Variants in TNIP1 observed in about 807,000 individuals in gnomAD.
TNIP1 encodes the protein TNFAIP3-interacting protein 1.
A neutral mutation model predicts 86.6 loss-of-function variants in TNIP1; 22 were observed. That is an observed-to-expected ratio of 0.25 (90% CI 0.18 to 0.36). The LOEUF (loss-of-function observed/expected upper bound fraction) is 0.36, where lower values mean the gene tolerates loss of function less well. TNIP1 is among the 10% of genes least tolerant of loss of function. The pLI is 1.00. For synonymous variants in TNIP1, 294 were observed against 313.0 expected (o/e 0.94, Z 0.64); for missense variants, 709 against 820.6 (o/e 0.86, Z 1.66).
At chr5:151,050,623 G>A (rs1240647397) in intron 7 of TNIP1, among the ~76,000 whole-genome samples, 3 of 152,122 alleles carry the variant, frequency 2.0e-5, no homozygotes, top group Admixed American at 6.6e-5. Flanking sequence ...ATTCAGGTCT[G>A]ACTAAAATGT....
intron 3 of TNIP1, 116 bp from the exon 4 acceptor site, chr5:151,062,328 GT>G: frequency 1.1e-6 from 1 of 910,088 alleles, no homozygotes; most frequent in Non-Finnish European, 1.7e-6. Flanking sequence ...CCACTCGAGT[GT>G]GGGAGAATGG....
chr5:151,086,068 G>A (rs1764266602), intron 1 of TNIP1, among the ~76,000 whole-genome samples: 1 of 152,068 alleles, frequency 6.6e-6, no homozygotes, highest in African/African-American at 2.4e-5. Context: ...CCTGGGGAGG[G>A]GATGAAGAGG....
chr5:151,065,275 ACCT>A, intron 1 of TNIP1, 144 bp from the exon 2 acceptor site: 3 of 661,914 alleles, frequency 4.5e-6, no homozygotes, highest in Non-Finnish European at 7.5e-6. Context: ...CAGGACAGTC[ACCT>A]CCTTTTATCT....
chr5:151,043,670 G>A (rs1383560809), intron 9 of TNIP1, among the ~76,000 whole-genome samples: 1 of 151,996 alleles, frequency 6.6e-6, no homozygotes. Context: ...AACTACTCAG[G>A]AGGCTGAGAT....
Position 151,033,809 on chromosome 5 carries a change from A to G in TNIP1, c.1588-10T>C. 1 of 1,371,544 alleles carries G rather than the reference A, an allele frequency of 7.3e-7. No individual in the cohort carries two copies. The highest frequency in any genetic ancestry group is 9.5e-7 in the Non-Finnish European group (1 of 1,057,194). 85.0% of individuals were successfully genotyped at this position (1,371,544 alleles called of 1,614,324 possible). A position where few individuals can be genotyped will look rare whatever the true frequency, so the allele number is the denominator to read the frequency against. The stretch of plus-strand genomic sequence containing the variant: ...AACGCTCTCCTGAGGCCTGCAAGAA[A>G]GGCTGACGTCTGGCTTTGGCCTGCA... On this transcript the variant is annotated splice_polypyrimidine_tract_variant and intron_variant, in intron 15 of 17. Transcript: ENST00000521591.
At chr5:151,057,915 A>G (rs928378407) in intron 5 of TNIP1, among the ~76,000 whole-genome samples, 4 of 152,126 alleles carry the variant, frequency 2.6e-5, no homozygotes, top group Non-Finnish European at 5.9e-5. Context: ...CAGGGACTTG[A>G]GCATCCATGG....
At chr5:151,031,384 A>G (rs1756867949) in intron 17 of TNIP1, among the ~76,000 whole-genome samples, 1 of 152,106 alleles carries the variant, frequency 6.6e-6, no homozygotes, top group Non-Finnish European at 1.5e-5. Flanking sequence ...ACTAGTTATA[A>G]TTCTGTTCCC....
intron 1 of TNIP1, among the ~76,000 whole-genome samples, chr5:151,075,414 T>C (rs1357625275): frequency 1.3e-5 from 2 of 152,210 alleles, no homozygotes; most frequent in African/African-American, 4.8e-5. Context: ...CTGGGTATAC[T>C]GCGTGATTTG....
At chr5:151,079,042 T>G (rs1456571565) in intron 1 of TNIP1, among the ~76,000 whole-genome samples, 3 of 152,116 alleles carry the variant, frequency 2.0e-5, no homozygotes, top group Non-Finnish European at 4.4e-5. Context: ...ACCTTCAGCA[T>G]GAGTGCCATG....
chr5:151,044,733 C>T (rs1026039440), intron 9 of TNIP1, among the ~76,000 whole-genome samples: 2 of 152,110 alleles, frequency 1.3e-5, no homozygotes, highest in East Asian at 1.9e-4. Context: ...AGCTGCACTT[C>T]GACCTCGGGT....
At chr5:151,085,965 C>T (rs1764262274), upstream of TNIP1, among the ~76,000 whole-genome samples, 1 of 152,226 alleles carries the variant, frequency 6.6e-6, no homozygotes, top group Admixed American at 6.5e-5. Context: ...CCCGCTCTCC[C>T]TCCATTCCTC....
chr5:151,046,142 T>TCA (rs1759138046), intron 8 of TNIP1, 192 bp from the exon 9 acceptor site: 22 of 571,458 alleles, frequency 3.8e-5, no homozygotes, highest in Non-Finnish European at 6.6e-5. Flanking sequence ...AAGATGATGA[T>TCA]TCCCCCTCCC....
chr5:151,049,059 T>TCA (rs1206420959), intron 8 of TNIP1, among the ~76,000 whole-genome samples: 2 of 152,228 alleles, frequency 1.3e-5, no homozygotes, highest in African/African-American at 4.8e-5. Context: ...CTCTACATTG[T>TCA]CACACAGTAA....
chr5:151,035,466 A>C, intron 14 of TNIP1, 116 bp downstream of exon 14: 3 of 1,471,608 alleles, frequency 2.0e-6, no homozygotes, highest in Non-Finnish European at 2.8e-6. Flanking sequence ...ATGATTGCAG[A>C]GCTGGAGAGA....
At chr5:151,057,802 T>C (rs181596419) in intron 5 of TNIP1, among the ~76,000 whole-genome samples, 68 of 152,272 alleles carry the variant, frequency 4.5e-4, no homozygotes, top group Non-Finnish European at 8.1e-4. Flanking sequence ...ATACCAAAAT[T>C]TAGCATTTAC....
At chr5:151,033,201 CGGAGG>C (rs1471563173) in intron 16 of TNIP1, among the ~76,000 whole-genome samples, 36 of 65,970 alleles carry the variant, frequency 5.5e-4, no homozygotes, top group African/African-American at 1.7e-3. Context: ...GGGAGAGGAG[CGGAGG>C]GGAGGGGAGG....
At chr5:151,032,102 T>C (rs1042625455) in intron 17 of TNIP1, 185 bp downstream of exon 17, 9 of 598,718 alleles carry the variant, frequency 1.5e-5, no homozygotes, top group East Asian at 2.8e-5. Flanking sequence ...TGCACTAGAA[T>C]GAATGGTTTC....
intron 14 of TNIP1, 57 bp downstream of exon 14, chr5:151,035,525 G>A: frequency 6.2e-7 from 1 of 1,612,540 alleles, no homozygotes; most frequent in Non-Finnish European, 8.5e-7. Flanking sequence ...TCCAATCCAT[G>A]CCCCCTCTCC....
chr5:151,036,992 TC>T, intron 12 of TNIP1, 71 bp from the exon 13 acceptor site: 1 of 1,504,990 alleles, frequency 6.6e-7, no homozygotes, highest in Non-Finnish European at 8.9e-7. Context: ...GGGGTCATCC[TC>T]AGGGAACTCC....
Sources: gnomAD v4.1 joint callset for allele counts (sites outside exome capture counted in the v4.1 genomes callset) on GRCh38, gnomAD v4.1.1 for gene constraint, MANE v1.5 for transcripts, NCBI Gene and HGNC (gene_info 2026-07-23, HGNC 2026-07-21) for gene names.